The following ATRN variants were observed in gnomAD, a reference collection of about 807,000 sequenced individuals.
ATRN encodes attractin-2.
Under a neutral mutation model 178.7 loss-of-function variants are expected in ATRN, and 54 were observed. The ratio of observed to expected loss-of-function variants is 0.30; its 90% CI spans 0.24 to 0.38. ATRN has a LOEUF of 0.38. Among genes scored for constraint, ATRN ranks in the 10% least tolerant of loss-of-function variants. The probability of loss-of-function intolerance (pLI) is 1.00; values close to 1 mark genes in which losing one functional copy is unlikely to be tolerated. For missense variants in ATRN, 1,443 were observed against 1,815.1 expected (o/e 0.79, Z 3.73); for synonymous variants, 636 against 663.0 (o/e 0.96, Z 0.63).
intron 18 of ATRN, among the ~76,000 whole-genome samples, chr20:3,585,191 C>A (rs546875374): frequency 6.6e-6 from 1 of 152,272 alleles, no homozygotes; most frequent in African/African-American, 2.4e-5. Flanking sequence ...GCAAAGACTC[C>A]TCAGAGATTA....
chr20:3,552,001 A>G (rs1025195278), intron 6 of ATRN, among the ~76,000 whole-genome samples: 1 of 152,120 alleles, frequency 6.6e-6, no homozygotes, highest in Non-Finnish European at 1.5e-5. Flanking sequence ...TTTATTTTCC[A>G]TTCTTAGTTC....
intron 24 of ATRN, among the ~76,000 whole-genome samples, chr20:3,619,295 C>T (rs2086878403): frequency 6.6e-6 from 1 of 152,226 alleles, no homozygotes; most frequent in Admixed American, 6.5e-5. Flanking sequence ...AGCATATGGT[C>T]AGTAGACTTA....
intron 19 of ATRN, among the ~76,000 whole-genome samples, chr20:3,592,806 A>G (rs1253605814): frequency 6.6e-6 from 1 of 152,200 alleles, no homozygotes; most frequent in Non-Finnish European, 1.5e-5. Context: ...AGCACATGAC[A>G]CATGTTCCAC....
chr20:3,593,912 T>G (rs180808692), intron 19 of ATRN, among the ~76,000 whole-genome samples: 1 of 152,264 alleles, frequency 6.6e-6, no homozygotes, highest in East Asian at 1.9e-4. Context: ...GAAGAGCTAT[T>G]TTCTGTAAAG....
intron 1 of ATRN, among the ~76,000 whole-genome samples, chr20:3,485,199 C>T (rs536621331): frequency 6.6e-6 from 1 of 152,234 alleles, no homozygotes; most frequent in African/African-American, 2.4e-5. Context: ...ATGAATCCTT[C>T]CTAAGCTCTT....
At chr20:3,600,174 A>G (rs963337495) in intron 22 of ATRN, among the ~76,000 whole-genome samples, 4 of 152,214 alleles carry the variant, frequency 2.6e-5, no homozygotes, top group African/African-American at 9.6e-5. Flanking sequence ...TTTACCTAAC[A>G]TCACCAACAG....
intron 15 of ATRN, among the ~76,000 whole-genome samples, chr20:3,581,893 G>A (rs2086287073): frequency 6.6e-6 from 1 of 152,040 alleles, no homozygotes; most frequent in Admixed American, 6.6e-5. Flanking sequence ...TATGTCTGTG[G>A]GGTATACTTA....
At chr20:3,521,359 A>G (rs895896406) in intron 1 of ATRN, among the ~76,000 whole-genome samples, 19 of 152,122 alleles carry the variant, frequency 1.2e-4, no homozygotes, top group African/African-American at 4.6e-4. Context: ...AAACCCAAAA[A>G]CAAAGTAGAT....
intron 24 of ATRN, among the ~76,000 whole-genome samples, chr20:3,623,491 T>C (rs1435217974): frequency 6.6e-6 from 1 of 152,204 alleles, no homozygotes; most frequent in Non-Finnish European, 1.5e-5. Context: ...GTCTATTTTC[T>C]GGCCCCTGTG....
intron 28 of ATRN, among the ~76,000 whole-genome samples, chr20:3,646,085 C>G (rs1342683907): frequency 6.6e-6 from 1 of 152,184 alleles, no homozygotes; most frequent in Non-Finnish European, 1.5e-5. Context: ...TCAGTTCACT[C>G]ATTGATTCTT....
chr20:3,621,224 G>A (rs2086894937), intron 24 of ATRN, among the ~76,000 whole-genome samples: 1 of 152,160 alleles, frequency 6.6e-6, no homozygotes. Context: ...GTGATGTGCT[G>A]AGCCAGAAAG....
intron 1 of ATRN, among the ~76,000 whole-genome samples, chr20:3,488,988 TCTCACTCTGTTGCCCA>T (rs2084738142): frequency 6.6e-6 from 1 of 152,154 alleles, no homozygotes; most frequent in Admixed American, 6.5e-5. Context: ...TGAGACGGAG[TCTCACTCTGTTGCCCA>T]GGCTGGAGTG....
Position 3,647,111 on chromosome 20 carries a change from G to C in ATRN, c.*264G>C, listed in dbSNP as rs991699669. On this transcript the variant is annotated 3_prime_UTR_variant, in exon 29 of 29. Transcript: ENST00000262919. ...GATGAGCTGATGGTTGCTGGAGGAG[G>C]CCAGTGTAGAGCCAGTGAGAGAACT... 5 of 336,292 alleles carry C rather than the reference G, an allele frequency of 1.5e-5. No individual in the cohort carries two copies. The highest frequency in any genetic ancestry group is 2.8e-5 in the Non-Finnish European group (5 of 181,810). 20.8% of individuals were successfully genotyped at this position (336,292 alleles called of 1,614,324 possible).
At chr20:3,618,371 G>A (rs1174337039) in intron 24 of ATRN, among the ~76,000 whole-genome samples, 1 of 152,178 alleles carries the variant, frequency 6.6e-6, no homozygotes, top group Non-Finnish European at 1.5e-5. Context: ...GAACTGAAAA[G>A]TAACCTAGTT....
chr20:3,629,419 T>G, intron 25 of ATRN: 1 of 561,288 alleles, frequency 1.8e-6, no homozygotes, highest in Non-Finnish European at 2.3e-6. Flanking sequence ...TTGTACATGC[T>G]TATCCCATTT....
chr20:3,647,006 G>A lies in ATRN; in HGVS notation c.*159G>A. On this transcript the variant is annotated 3_prime_UTR_variant, in exon 29 of 29. Transcript: ENST00000262919. ...ACCTGCATGATCACAAGCTTTCTTT[G>A]ACGGTTTCTCCCATCCGTGTTCCAG... The A allele has an allele frequency of 1.0e-6, 1 of 987,912 alleles. No homozygotes were observed. The highest frequency in any genetic ancestry group is 2.8e-5 in the East Asian group (1 of 35,416). The allele number at this position is 987,912 out of a possible 1,614,324, so 61.2% of individuals were successfully genotyped here.
intron 6 of ATRN, among the ~76,000 whole-genome samples, chr20:3,551,320 G>A (rs2085783407): frequency 6.6e-6 from 1 of 152,166 alleles, no homozygotes; most frequent in Admixed American, 6.5e-5. Context: ...CCCAGCTGCT[G>A]ACTGGCTGGA....
At position 3,630,964 on chromosome 20, in the gene ATRN, T is replaced by TTTTTTTTTTTTG. The variant is rs1307722255; in HGVS notation, c.3864-3347_3864-3346insTTTTTTTTTTTG. On this transcript the variant is annotated intron_variant, in intron 25 of 28. Coordinates refer to ENST00000262919, the MANE Select transcript of ATRN (RefSeq NM_139321.3). Reference sequence around the variant, plus strand: ...TTTTTTTTTTTTTTTTTTTTTTTTTTGGGATAGGGTCTCTGTTGCCCAGGC... The same window carrying TTTTTTTTTTTTG: ...TTTTTTTTTTTTTTTTTTTTTTTTTTTTTTTTTTTTTGGGGATAGGGTCTCTGTTGCCCAGGC... Among the ~76,000 whole-genome samples the TTTTTTTTTTTTG allele has an allele frequency of 2.9e-4, 21 of 73,428 alleles. 6 individuals are homozygous for TTTTTTTTTTTTG. The highest frequency in any genetic ancestry group is 4.3e-4 in the Non-Finnish European group (17 of 39,836). 48.2% of individuals were successfully genotyped at this position (73,428 alleles called of 152,430 possible).
intron 28 of ATRN, among the ~76,000 whole-genome samples, chr20:3,646,018 G>A (rs6051999): frequency 0.016 from 2,408 of 152,266 alleles, 62 homozygotes; most frequent in African/African-American, 0.055. Flanking sequence ...GCTATTGATC[G>A]TGGGTTGCTG....
Sources: allele counts gnomAD v4.1 joint callset (sites outside exome capture counted in the v4.1 genomes callset), GRCh38; gene constraint gnomAD v4.1.1; transcripts MANE v1.5; gene names NCBI Gene and HGNC (gene_info 2026-07-23, HGNC 2026-07-21).